The following KRR1 variants were observed in gnomAD, a reference collection of about 807,000 sequenced individuals.
The protein encoded by KRR1 is KRR1 small subunit processome component.
A neutral mutation model predicts 50.0 loss-of-function variants in KRR1; 23 were observed. That is an observed-to-expected ratio of 0.46 (90% CI 0.33 to 0.65). KRR1 has a LOEUF of 0.65. KRR1 is among the 30% of genes least tolerant of loss of function. KRR1 has a pLI of 0.02. For missense variants in KRR1, 419 were observed against 442.4 expected (o/e 0.95, Z 0.47); for synonymous variants, 133 against 146.3 (o/e 0.91, Z 0.66).
At chr12:75,506,985 C>T in intron 2 of KRR1, 69 bp from the exon 3 acceptor site, 1 of 1,292,972 alleles carries the variant, frequency 7.7e-7, no homozygotes. Context: ...TAAAGCCTCT[C>T]CTAACCAACC....
Position 75,495,928 on chromosome 12 carries a change from G to A in KRR1, c.*3881C>T, listed in dbSNP as rs967175659. 3 of 243,398 alleles carry A rather than the reference G, an allele frequency of 1.2e-5. No homozygotes were observed. Among genetic ancestry groups the A allele is most frequent in the African/African-American group, 6.9e-5 (3 of 43,726 alleles). 15.1% of individuals were successfully genotyped at this position (243,398 alleles called of 1,614,324 possible). A position where few individuals can be genotyped will look rare whatever the true frequency, so the allele number is the denominator to read the frequency against. ...AGAAACTGTAGACTAAGATTCCTAAGATTTGCTTATTTCAGCAAGATCAAA... is the reference window on the plus strand; with the variant it reads ...AGAAACTGTAGACTAAGATTCCTAAAATTTGCTTATTTCAGCAAGATCAAA... On this transcript the variant is annotated 3_prime_UTR_variant, in exon 10 of 10. Coordinates refer to ENST00000229214, the MANE Select transcript of KRR1 (RefSeq NM_007043.7).
At chr12:75,501,588 T>TTAGGATTAGTAATTAATGAAA in intron 9 of KRR1, 135 bp downstream of exon 9, 1 of 633,362 alleles carries the variant, frequency 1.6e-6, no homozygotes. Context: ...TCCCTTGTCC[T>TTAGGATTAGTAATTAATGAAA]TAGGATTAGT....
chr12:75,497,549 C>T lies in KRR1; in HGVS notation c.*2260G>A, dbSNP rs1048164163. Reference sequence around the variant, plus strand: ...TAGGCTTACTTGAAAGTATTCTACTCTTCGCACTAATACTGAATAAGTAAG... The same window carrying T: ...TAGGCTTACTTGAAAGTATTCTACTTTTCGCACTAATACTGAATAAGTAAG... On this transcript the variant is annotated 3_prime_UTR_variant, in exon 10 of 10. Transcript: ENST00000229214. 2 of 152,146 alleles carry T rather than the reference C, an allele frequency of 1.3e-5. No homozygotes were observed. The highest frequency in any genetic ancestry group is 4.8e-5 in the African/African-American group (2 of 41,426). 9.4% of individuals were successfully genotyped at this position (152,146 alleles called of 1,614,324 possible).
Position 75,506,587 on chromosome 12 carries a change from T to C in KRR1, c.416A>G (p.Asp139Gly), listed in dbSNP as rs1248348155. The C allele has an allele frequency of 1.3e-6, 2 of 1,490,936 alleles. No individual in the cohort carries two copies. The highest frequency in any genetic ancestry group is 2.1e-5 in the Admixed American group (1 of 48,078). 92.4% of individuals were successfully genotyped at this position (1,490,936 alleles called of 1,614,324 possible). A position where few individuals can be genotyped will look rare whatever the true frequency, so the allele number is the denominator to read the frequency against. Residue 139 changes from aspartate to glycine, a missense_variant, in exon 4 of 10, where the codon GAT (aspartate) becomes GGT (glycine). Physicochemically the swap from Asp to Gly is moderately conservative, Grantham distance 94 (BLOSUM62 -1). Transcript: ENST00000229214. ...TATTTTAATGATGTCACATGCAACA[T>C]CATCCTGAAGAATTCGTACTGCCTT... is the stretch of plus-strand genomic sequence containing the variant. Reference protein sequence around the residue: ...FEQAVRILQDDVACDIIKIGS... With the variant: ...FEQAVRILQDGVACDIIKIGS...
intron 2 of KRR1, 53 bp downstream of exon 2, chr12:75,508,221 G>A: frequency 2.3e-6 from 3 of 1,321,174 alleles, no homozygotes; most frequent in South Asian, 1.5e-5. Flanking sequence ...ACATTTAAAG[G>A]CATAAGCAAG....
rs1196453477 is a variant in KRR1, at chr12:75,493,424, T to C, written c.*6385A>G. 1 of 152,166 alleles carries C rather than the reference T, an allele frequency of 6.6e-6. No homozygotes were observed. Among genetic ancestry groups the C allele is most frequent in the Non-Finnish European group, 1.5e-5 (1 of 68,042 alleles). 9.4% of individuals were successfully genotyped at this position (152,166 alleles called of 1,614,324 possible). Reference sequence around the variant, plus strand: ...ACCTCAGAATGGGGTCTGGGATGCTTAATCTTCCAGTTGCCTGTAATACTC... The same window carrying C: ...ACCTCAGAATGGGGTCTGGGATGCTCAATCTTCCAGTTGCCTGTAATACTC... On this transcript the variant is annotated 3_prime_UTR_variant, in exon 10 of 10. Transcript: ENST00000229214.
intron 6 of KRR1, 112 bp downstream of exon 6, chr12:75,505,086 C>T: frequency 2.6e-6 from 3 of 1,146,494 alleles, no homozygotes; most frequent in Non-Finnish European, 3.6e-6. Flanking sequence ...AATAGCTCTG[C>T]TTTATCTGTT....
chr12:75,506,760 G>A (rs781460873), intron 3 of KRR1, 22 bp downstream of exon 3: 1 of 1,598,314 alleles, frequency 6.3e-7, no homozygotes, highest in East Asian at 2.3e-5. Context: ...ACAAAGCAAA[G>A]TCTCTGTAAT....
chr12:75,495,798 T>G lies in KRR1; in HGVS notation c.*4011A>C, dbSNP rs968277808. 3.5e-6 allele frequency: 2 copies of G among 565,210 alleles called. No homozygotes were observed. The highest frequency in any genetic ancestry group is 6.5e-6 in the Non-Finnish European group (2 of 305,992). The allele number at this position is 565,210 out of a possible 1,614,324, so 35.0% of individuals were successfully genotyped here. On this transcript the variant is annotated 3_prime_UTR_variant, in exon 10 of 10. Coordinates refer to ENST00000229214, the MANE Select transcript of KRR1 (RefSeq NM_007043.7). ...TGGCATCAAGTAGCAATTAAACCAA[T>G]GGCTTACTGTTCTAGGAATACATTT...
In KRR1 at chr12:75,504,024, T is replaced by C. The variant is rs1359194915; in HGVS notation, c.711A>G (p.Gln237=). 1 of 1,612,458 alleles carries C rather than the reference T, an allele frequency of 6.2e-7. No individual in the cohort carries two copies. The highest frequency in any genetic ancestry group is 1.1e-5 in the South Asian group (1 of 90,980). The change falls in exon 7 of 10, where the codon CAA becomes CAG. Residue 237 remains glutamine, a synonymous_variant. Transcript: ENST00000229214. ...ACTGTGGCAAAAATCTCTCCCAACT[T>C]TGTGATCGTAATTCAGAATCTTTTG... ...ELAKDSELRS[Q]SWERFLPQFK... is the part of the protein sequence containing the mutation.
chr12:75,495,769 A>C lies in KRR1; in HGVS notation c.*4040T>G. On this transcript the variant is annotated 3_prime_UTR_variant, in exon 10 of 10. Coordinates refer to ENST00000229214, the MANE Select transcript of KRR1 (RefSeq NM_007043.7). ...TTTATCTTAACGGCTATCTTCAAGG[A>C]AACTGGCATCAAGTAGCAATTAAAC... 3 of 650,334 alleles carry C rather than the reference A, an allele frequency of 4.6e-6. No homozygotes were observed. Among genetic ancestry groups the C allele is most frequent in the Middle Eastern group, 5.5e-4 (2 of 3,622 alleles). The allele number at this position is 650,334 out of a possible 1,614,324, so 40.3% of individuals were successfully genotyped here.
Position 75,495,455 on chromosome 12 carries a change from C to G in KRR1, c.*4354G>C. The G allele has an allele frequency of 1.7e-6, 1 of 599,576 alleles. No individual in the cohort carries two copies. 37.1% of individuals were successfully genotyped at this position (599,576 alleles called of 1,614,324 possible). A position where few individuals can be genotyped will look rare whatever the true frequency, so the allele number is the denominator to read the frequency against. ...GCCTTCCTGTCTTCACTTCTATTAC[C>G]AACTCTCTGGACCTTTGTACTTCAC... On this transcript the variant is annotated 3_prime_UTR_variant, in exon 10 of 10. Transcript: ENST00000229214.
In KRR1 at chr12:75,511,502, C is replaced by A; in HGVS notation, c.85+11G>T. 6.2e-7 allele frequency: 1 copy of A among 1,609,000 alleles called. No individual in the cohort carries two copies. The highest frequency in any genetic ancestry group is 1.7e-5 in the Admixed American group (1 of 57,668). On this transcript the variant is annotated intron_variant, in intron 1 of 9. Coordinates refer to ENST00000229214, the MANE Select transcript of KRR1 (RefSeq NM_007043.7). ...CACAAACCCCAGGCTTCGGTTCCCA[C>A]ATAACATCACCTTGGTTCTCCGGCT...
At position 75,494,484 on chromosome 12, in the gene KRR1, T is replaced by C. The variant is rs2046339264; in HGVS notation, c.*5325A>G. The C allele has an allele frequency of 6.6e-6, 1 of 152,188 alleles. No individual in the cohort carries two copies. Among genetic ancestry groups the C allele is most frequent in the East Asian group, 1.9e-4 (1 of 5,200 alleles). The allele number at this position is 152,188 out of a possible 1,614,324, so 9.4% of individuals were successfully genotyped here. ...GTGTTCATCACTGCATTGAAACTAA[T>C]AGCCCCCGGTAGATCTTAATAGAGA... is the stretch of plus-strand genomic sequence containing the variant. On this transcript the variant is annotated 3_prime_UTR_variant, in exon 10 of 10. Transcript: ENST00000229214.
At chr12:75,509,643 C>G (rs1334870404) in intron 1 of KRR1, among the ~76,000 whole-genome samples, 1 of 149,076 alleles carries the variant, frequency 6.7e-6, no homozygotes, top group Non-Finnish European at 1.5e-5. Context: ...GGCTGGAGTG[C>G]AATGGCTCCA....
rs185466132 is a variant in KRR1 at position 75,497,313 on chromosome 12, A to G, written c.*2496T>C. ...GTGATCTAACTTGAGATGCTCTTTA[A>G]TCTTGGGGAATAACATTTAGAAGAT... On this transcript the variant is annotated 3_prime_UTR_variant, in exon 10 of 10. Transcript: ENST00000229214. 1 of 152,302 alleles carries G rather than the reference A, an allele frequency of 6.6e-6. No homozygotes were observed. Among genetic ancestry groups the G allele is most frequent in the African/African-American group, 2.4e-5 (1 of 41,576 alleles). 9.4% of individuals were successfully genotyped at this position (152,302 alleles called of 1,614,324 possible). A position where few individuals can be genotyped will look rare whatever the true frequency, so the allele number is the denominator to read the frequency against.
intron 5 of KRR1, among the ~76,000 whole-genome samples, chr12:75,505,759 G>C (rs1048486817): frequency 6.6e-6 from 1 of 152,066 alleles, no homozygotes; most frequent in African/African-American, 2.4e-5. Context: ...GCCAGATCCA[G>C]ACAGTAATAG....
rs2046358647 is a variant in KRR1 at position 75,497,532 on chromosome 12, C to T, written c.*2277G>A. On this transcript the variant is annotated 3_prime_UTR_variant, in exon 10 of 10. Coordinates refer to ENST00000229214, the MANE Select transcript of KRR1 (RefSeq NM_007043.7). Reference sequence around the variant, plus strand: ...TTGTTTTCATGTAAGTTTAGGCTTACTTGAAAGTATTCTACTCTTCGCACT... The same window carrying T: ...TTGTTTTCATGTAAGTTTAGGCTTATTTGAAAGTATTCTACTCTTCGCACT... The T allele has an allele frequency of 6.6e-6, 1 of 152,148 alleles. No individual in the cohort carries two copies. Among genetic ancestry groups the T allele is most frequent in the East Asian group, 1.9e-4 (1 of 5,194 alleles). 9.4% of individuals were successfully genotyped at this position (152,148 alleles called of 1,614,324 possible).
At chr12:75,506,744 A>T in intron 3 of KRR1, 38 bp downstream of exon 3, 7 of 1,597,244 alleles carry the variant, frequency 4.4e-6, no homozygotes, top group African/African-American at 1.3e-5. Context: ...GTTAACACTG[A>T]TGCAAACAAA....
Sources: allele counts gnomAD v4.1 joint callset (sites outside exome capture counted in the v4.1 genomes callset), GRCh38; gene constraint gnomAD v4.1.1; transcripts MANE v1.5; gene names NCBI Gene and HGNC (gene_info 2026-07-23, HGNC 2026-07-21).